SLC22A12: variants seen among roughly 807,000 people sequenced by gnomAD.
The protein encoded by SLC22A12 is solute carrier family 22 member 12.
In SLC22A12, 56 loss-of-function variants were observed where a neutral mutation model predicts 52.7. The observed-to-expected ratio is 1.06, with a 90% confidence interval of 0.86 to 1.33. The LOEUF is 1.33. SLC22A12 is among the 40% of genes most tolerant of loss of function. The pLI is 0.00. For synonymous variants in SLC22A12, 337 were observed against 324.6 expected, an observed-to-expected ratio of 1.04 and a Z score of -0.41; for missense variants, 683 against 741.5, an observed-to-expected ratio of 0.92 and a Z score of 0.92.
chr11:64,602,016 A>C lies in SLC22A12; in HGVS notation c.*465A>C, dbSNP rs1261781528. ...CACAGCTTTACCCAGAAGCCCTGTA[A>C]GCCTGGCCCCTGGCCCCTCCCCATG... On this transcript the variant is annotated 3_prime_UTR_variant, in exon 10 of 10. Transcript: ENST00000377574. 3.8e-6 allele frequency: 1 copy of C among 261,242 alleles called. No individual in the cohort carries two copies. The highest frequency in any genetic ancestry group is 7.5e-6 in the Non-Finnish European group (1 of 132,600). 16.2% of individuals were successfully genotyped at this position (261,242 alleles called of 1,614,324 possible).
chr11:64,596,271 G>GA (rs2039229124), intron 4 of SLC22A12, among the ~76,000 whole-genome samples: 1 of 149,234 alleles, frequency 6.7e-6, no homozygotes, highest in Admixed American at 6.7e-5. Context: ...TGGATGGATG[G>GA]ATGGATGGAT....
chr11:64,598,491 C>T (rs374975048), intron 4 of SLC22A12, 25 bp from the exon 5 acceptor site: 5 of 1,557,446 alleles, frequency 3.2e-6, no homozygotes, highest in Non-Finnish European at 4.3e-6. Flanking sequence ...AGGCAATGAC[C>T]CCTCCCACGC....
chr11:64,600,307 G>C (rs1456901865), intron 7 of SLC22A12, 60 bp from the exon 8 acceptor site: 8 of 1,312,102 alleles, frequency 6.1e-6, no homozygotes, highest in Non-Finnish European at 8.6e-6. Flanking sequence ...TGGGCTGAAG[G>C]GAGCCCTCAT....
rs753648341 is a variant in SLC22A12, at chr11:64,591,522, G to GTGGGCCCCTCTTC, written c.-25_-13dup. 6.2e-7 allele frequency: 1 copy of GTGGGCCCCTCTTC among 1,606,856 alleles called. No homozygotes were observed. Among genetic ancestry groups the GTGGGCCCCTCTTC allele is most frequent in the Non-Finnish European group, 8.5e-7 (1 of 1,179,942 alleles). ...TTTGCCCTGGGCCAGCCTTTGTGAA[G>GTGGGCCCCTCTTC]TGGGCCCCTCTTCTGGGCCCCTTGA... On this transcript the variant is annotated 5_prime_UTR_variant, in exon 1 of 10. Transcript: ENST00000377574.
At chr11:64,595,209 AATAGATGG>A (rs779950643) in intron 4 of SLC22A12, among the ~76,000 whole-genome samples, 7 of 28,334 alleles carry the variant, frequency 2.5e-4, no homozygotes, top group Admixed American at 1.9e-3. Flanking sequence ...GGATGTTTGG[AATAGATGG>A]ATGGATGGAT....
In SLC22A12 at chr11:64,593,572, C is replaced by A; in HGVS notation, c.661+13C>A. 6.2e-7 allele frequency: 1 copy of A among 1,614,166 alleles called. No homozygotes were observed. The highest frequency in any genetic ancestry group is 8.5e-7 in the Non-Finnish European group (1 of 1,180,014). On this transcript the variant is annotated intron_variant, in intron 3 of 9. Transcript: ENST00000377574. ...ACGGGCACTCTCCGTAGGTCTCTGA[C>A]CTGGCGCCATGCAGGGGGGCTCCAT... is the stretch of plus-strand genomic sequence containing the variant.
intron 4 of SLC22A12, among the ~76,000 whole-genome samples, chr11:64,597,645 G>T (rs547042647): frequency 2.9e-4 from 44 of 152,324 alleles, no homozygotes; most frequent in Admixed American, 1.3e-3. Flanking sequence ...GGGCCCCGGT[G>T]GGTGTAGGGC....
At chr11:64,600,263 T>C in intron 7 of SLC22A12, 104 bp from the exon 8 acceptor site, 1 of 927,336 alleles carries the variant, frequency 1.1e-6, no homozygotes, top group South Asian at 1.4e-5. Context: ...CCCAAACATT[T>C]ACAAAGAGGC....
At chr11:64,592,443 G>T (rs901704779) in intron 1 of SLC22A12, among the ~76,000 whole-genome samples, 1 of 152,176 alleles carries the variant, frequency 6.6e-6, no homozygotes, top group African/African-American at 2.4e-5. Flanking sequence ...TAAAGAACAG[G>T]AGGGAAGCAA....
rs763025629 is a variant in SLC22A12 at position 64,598,506 on chromosome 11, T to G, written c.831-10T>G. ...AGGCAATGACCCCTCCCACGCCCCC[T>G]CCACTTAAGGTGGCTGGCAGAGTCG... On this transcript the variant is annotated splice_polypyrimidine_tract_variant and intron_variant, in intron 4 of 9. Transcript: ENST00000377574. The G allele has an allele frequency of 7.0e-6, 11 of 1,568,898 alleles. No homozygotes were observed. Among genetic ancestry groups the G allele is most frequent in the Non-Finnish European group, 9.5e-6 (11 of 1,158,182 alleles).
chr11:64,591,409 G>A lies in SLC22A12; in HGVS notation c.-148G>A, dbSNP rs1329684955. ...AGATGACCAGAGAGCCTGAGCCTCCGGCCCCGAGTCTGTGAAGCCTAGCCG... is the reference window on the plus strand; with the variant it reads ...AGATGACCAGAGAGCCTGAGCCTCCAGCCCCGAGTCTGTGAAGCCTAGCCG... On this transcript the variant is annotated 5_prime_UTR_variant, in exon 1 of 10. Coordinates refer to ENST00000377574, the MANE Select transcript of SLC22A12 (RefSeq NM_144585.4). 2.3e-5 allele frequency: 25 copies of A among 1,078,118 alleles called. No homozygotes were observed. The highest frequency in any genetic ancestry group is 4.8e-5 in the East Asian group (2 of 41,514). 66.8% of individuals were successfully genotyped at this position (1,078,118 alleles called of 1,614,324 possible).
intron 4 of SLC22A12, among the ~76,000 whole-genome samples, chr11:64,594,096 T>C (rs1052997571): frequency 6.6e-6 from 1 of 152,226 alleles, no homozygotes; most frequent in African/African-American, 2.4e-5. Flanking sequence ...TCTCCTCTCC[T>C]GTCCCTGCCT....
At chr11:64,594,132 C>G (rs1024785551) in intron 4 of SLC22A12, among the ~76,000 whole-genome samples, 1 of 152,242 alleles carries the variant, frequency 6.6e-6, no homozygotes, top group African/African-American at 2.4e-5. Flanking sequence ...CTGCCAGGCC[C>G]ATCTTCTGAG....
At position 64,593,723 on chromosome 11, in the gene SLC22A12, A is replaced by C. The variant is rs755073114; in HGVS notation, c.750A>C (p.Ala250=). ...GFSFGHGLTA[A]VAYGVRDWTL... ...GCTTCGGCCATGGCCTGACAGCTGC[A>C]GTGGCCTACGGTGTGCGGGACTGGA... Residue 250 remains alanine, a synonymous_variant, in exon 4 of 10, where the codon GCA becomes GCC. Transcript: ENST00000377574. The C allele has an allele frequency of 6.2e-7, 1 of 1,613,802 alleles. No individual in the cohort carries two copies.
rs1183385529 is a variant in SLC22A12, at chr11:64,594,788, AAATGGATGGATGGATG to A, written c.830+1002_830+1017del. On this transcript the variant is annotated intron_variant, in intron 4 of 9. Transcript: ENST00000377574. The stretch of plus-strand genomic sequence containing the variant: ...GGATGGATGAATGGATAGTTGGAAT[AAATGGATGGATGGATG>A]AATGGATGGATGGATGGGTGGATGG... Among the ~76,000 whole-genome samples the A allele has an allele frequency of 4.6e-5, 6 of 131,158 alleles. No individual in the cohort carries two copies. In the South Asian group the frequency reaches 8.2e-4, roughly 18 times the overall value. The allele number at this position is 131,158 out of a possible 152,430, so 86.0% of individuals were successfully genotyped here. A position where few individuals can be genotyped will look rare whatever the true frequency, so the allele number is the denominator to read the frequency against.
rs373058278 is a variant in SLC22A12, at chr11:64,597,779, C to T, written c.831-737C>T. Among the ~76,000 whole-genome samples, 18 of 152,196 alleles carry T rather than the reference C, an allele frequency of 1.2e-4. No homozygotes were observed. The East Asian group carries it at 2.1e-3, about 18-fold the overall frequency. On this transcript the variant is annotated intron_variant, in intron 4 of 9. Coordinates refer to ENST00000377574, the MANE Select transcript of SLC22A12 (RefSeq NM_144585.4). ...CATGGCAGGCGCTCAGCAGGCGGGG[C>T]GGGACGGTGTGGCATAAGCTCGGTT...
At chr11:64,594,516 AGGTAGG>A (rs1591390677) in intron 4 of SLC22A12, among the ~76,000 whole-genome samples, 3 of 146,214 alleles carry the variant, frequency 2.1e-5, no homozygotes, top group South Asian at 2.3e-4. Context: ...GTAGGTAGGT[AGGTAGG>A]TAGATAGATA....
chr11:64,599,724 C>A lies in SLC22A12; in HGVS notation c.1119C>A (p.Ala373=). 2 of 1,611,176 alleles carry A rather than the reference C, an allele frequency of 1.2e-6. No individual in the cohort carries two copies. Among genetic ancestry groups the A allele is most frequent in the Non-Finnish European group, 1.7e-6 (2 of 1,179,122 alleles). Residue 373 remains alanine (A), a synonymous_variant, in exon 7 of 10, where the codon GCC becomes GCA. Coordinates refer to ENST00000377574, the MANE Select transcript of SLC22A12 (RefSeq NM_144585.4). ...TFFGLALDLQ[A]LGSNIFLLQM... is the part of the protein sequence containing the mutation. Reference sequence around the variant, plus strand: ...TCGGCCTGGCCCTGGACCTGCAGGCCCTGGGCAGCAACATCTTCCTGCTCC... The same window carrying A: ...TCGGCCTGGCCCTGGACCTGCAGGCACTGGGCAGCAACATCTTCCTGCTCC...
chr11:64,601,018 A>C, intron 9 of SLC22A12, 80 bp downstream of exon 9: 1 of 1,544,672 alleles, frequency 6.5e-7, no homozygotes, highest in Non-Finnish European at 8.8e-7. Context: ...ACCCATCCCC[A>C]TCACTTGACA....
Sources: gnomAD v4.1 joint callset for allele counts (sites outside exome capture counted in the v4.1 genomes callset) on GRCh38, gnomAD v4.1.1 for gene constraint, MANE v1.5 for transcripts, NCBI Gene and HGNC (gene_info 2026-07-23, HGNC 2026-07-21) for gene names.